The following IL1RAP variants were observed in gnomAD, a reference collection of about 807,000 sequenced individuals.
The protein encoded by IL1RAP is interleukin-1 receptor accessory protein.
In IL1RAP, 35 loss-of-function variants were observed where a neutral mutation model predicts 60.7. That is an observed-to-expected ratio of 0.58 (90% CI 0.44 to 0.76). The LOEUF (loss-of-function observed/expected upper bound fraction) is 0.76, where lower values mean the gene tolerates loss of function less well. Ranked by LOEUF, IL1RAP falls within the 30% of genes least tolerant of loss-of-function variation. The pLI, the probability that IL1RAP is intolerant of heterozygous loss-of-function variation, is 0.00. For synonymous variants in IL1RAP, 268 were observed against 250.9 expected, an observed-to-expected ratio of 1.07 and a Z score of -0.64; for missense variants, 572 against 693.9, an observed-to-expected ratio of 0.82 and a Z score of 1.97.
intron 3 of IL1RAP, among the ~76,000 whole-genome samples, chr3:190,589,304 C>G (rs545592827): frequency 6.6e-6 from 1 of 152,294 alleles, no homozygotes; most frequent in East Asian, 1.9e-4. Flanking sequence ...TTCTTCCTGT[C>G]ACCCCATCAT....
chr3:190,625,440 A>C (rs1015366862), intron 7 of IL1RAP, among the ~76,000 whole-genome samples: 1 of 152,162 alleles, frequency 6.6e-6, no homozygotes, highest in Non-Finnish European at 1.5e-5. Context: ...CGAGGGGGCT[A>C]GGGTGACTGG....
chr3:190,649,412 A>G lies in IL1RAP; in HGVS notation c.*707A>G. 7 of 985,752 alleles carry G rather than the reference A, an allele frequency of 7.1e-6. No homozygotes were observed. Among genetic ancestry groups the G allele is most frequent in the Non-Finnish European group, 8.4e-6 (7 of 829,870 alleles). 61.1% of individuals were successfully genotyped at this position (985,752 alleles called of 1,614,324 possible). A position where few individuals can be genotyped will look rare whatever the true frequency, so the allele number is the denominator to read the frequency against. ...TCAATTCCTGATTATCCACAGGTCA[A>G]CCCACATTTTTTCATTCCTTCTCCC... On this transcript the variant is annotated 3_prime_UTR_variant, in exon 12 of 12. Transcript: ENST00000447382.
At position 190,610,605 on chromosome 3, in the gene IL1RAP, A is replaced by G. The variant is rs1730739400; in HGVS notation, c.537+1424A>G. Among the ~76,000 whole-genome samples, 10 of 152,268 alleles carry G rather than the reference A, an allele frequency of 6.6e-5. 1 individual carries two copies. In the South Asian group the frequency reaches 2.1e-3, roughly 32 times the overall value. ...GTGAGGATTACCAGAGATAAAGATGACCTTTCATAATAATAAAAGGATCAC... is the reference window on the plus strand; with the variant it reads ...GTGAGGATTACCAGAGATAAAGATGGCCTTTCATAATAATAAAAGGATCAC... On this transcript the variant is annotated intron_variant, in intron 5 of 11. Coordinates refer to ENST00000447382, the MANE Select transcript of IL1RAP (RefSeq NM_002182.4).
At chr3:190,520,472 T>G (rs1344625216) in intron 1 of IL1RAP, 1 of 152,186 alleles carries the variant, frequency 6.6e-6, no homozygotes, top group Non-Finnish European at 1.5e-5. Context: ...AAAACCCATT[T>G]CTGTCCTAAT....
chr3:190,630,187 T>A (rs1303702449), intron 9 of IL1RAP: 1 of 771,428 alleles, frequency 1.3e-6, no homozygotes, highest in East Asian at 1.3e-4. Flanking sequence ...AAATTATGAT[T>A]TTAAATGGTA....
chr3:190,642,783 G>A (rs956605793), intron 9 of IL1RAP, among the ~76,000 whole-genome samples: 2 of 152,050 alleles, frequency 1.3e-5, no homozygotes, highest in East Asian at 1.9e-4. Flanking sequence ...GACCCTTTCC[G>A]TCTTATTCAC....
At position 190,634,286 on chromosome 3, in the gene IL1RAP, ATT is replaced by A. The variant is rs1178679157; in HGVS notation, c.1051+4806_1051+4807del. 3.6e-3 allele frequency among the ~76,000 whole-genome samples: 486 copies of A among 135,062 alleles called. 3 individuals are homozygous for A. Among genetic ancestry groups the A allele is most frequent in the African/African-American group, 0.012 (424 of 36,490 alleles). 88.6% of individuals were successfully genotyped at this position (135,062 alleles called of 152,430 possible). A position where few individuals can be genotyped will look rare whatever the true frequency, so the allele number is the denominator to read the frequency against. On this transcript the variant is annotated intron_variant, in intron 9 of 11. Coordinates refer to ENST00000447382, the MANE Select transcript of IL1RAP (RefSeq NM_002182.4). ...TCACAGATTTTTGTTCATGTTAAGA[ATT>A]TTTTTTTTTTTTTTTTTGAGACAGA...
intron 3 of IL1RAP, among the ~76,000 whole-genome samples, chr3:190,584,160 G>A (rs1429802896): frequency 6.6e-6 from 1 of 152,176 alleles, no homozygotes; most frequent in Non-Finnish European, 1.5e-5. Flanking sequence ...CCTTCACTTA[G>A]CATAACACAT....
chr3:190,566,586 A>G (rs1217181910), intron 3 of IL1RAP, among the ~76,000 whole-genome samples: 1 of 152,160 alleles, frequency 6.6e-6, no homozygotes, highest in Non-Finnish European at 1.5e-5. Context: ...CTTGAATAAG[A>G]TAAGTTCTCA....
intron 3 of IL1RAP, among the ~76,000 whole-genome samples, chr3:190,579,796 C>A (rs1043048679): frequency 2.6e-5 from 4 of 152,100 alleles, no homozygotes; most frequent in African/African-American, 9.7e-5. Context: ...TATAGATTTG[C>A]CTATTCCGGA....
rs575316587 is a variant in IL1RAP at position 190,581,583 on chromosome 3, G to A, written c.64+17230G>A. Among the ~76,000 whole-genome samples, 4 of 152,290 alleles carry A rather than the reference G, an allele frequency of 2.6e-5. No homozygotes were observed. The East Asian group carries it at 5.8e-4, about 22-fold the overall frequency. On this transcript the variant is annotated intron_variant, in intron 3 of 11. Transcript: ENST00000447382. ...GTTGAGTTTTGTGTCAATTGTTTAA[G>A]AATTCAAAAGCAGATAGTAGCATAT...
chr3:190,533,985 T>C (rs779227077), intron 1 of IL1RAP, among the ~76,000 whole-genome samples: 6 of 152,110 alleles, frequency 3.9e-5, no homozygotes, highest in Non-Finnish European at 5.9e-5. Flanking sequence ...TCTTTTCTTT[T>C]AATTGGCTTA....
chr3:190,548,255 T>G (rs568765828), intron 1 of IL1RAP, among the ~76,000 whole-genome samples: 1 of 152,314 alleles, frequency 6.6e-6, no homozygotes, highest in Admixed American at 6.5e-5. Context: ...GACTAGATAA[T>G]GCAGCGTGCC....
At chr3:190,545,075 T>C (rs1724254337) in intron 1 of IL1RAP, among the ~76,000 whole-genome samples, 2 of 152,214 alleles carry the variant, frequency 1.3e-5, no homozygotes, top group African/African-American at 4.8e-5. Flanking sequence ...TACCAGGATT[T>C]ACGTGAATAT....
chr3:190,611,504 A>C (rs1730822584), intron 5 of IL1RAP, among the ~76,000 whole-genome samples: 1 of 152,224 alleles, frequency 6.6e-6, no homozygotes, highest in Non-Finnish European at 1.5e-5. Flanking sequence ...AAAGAAACAT[A>C]TAAGACATTT....
Position 190,604,421 on chromosome 3 carries a change from G to A in IL1RAP, c.350+8G>A. 6.2e-7 allele frequency: 1 copy of A among 1,609,740 alleles called. No homozygotes were observed. The highest frequency in any genetic ancestry group is 1.1e-5 in the South Asian group (1 of 90,900). ...CTATACCTGCATGTTAAGGTAGCCT[G>A]ATTCTTGGCAGTGGCTTTCTCTTTT... On this transcript the variant is annotated splice_region_variant and intron_variant, in intron 4 of 11. Transcript: ENST00000447382.
At chr3:190,521,191 A>G (rs950368959) in intron 1 of IL1RAP, among the ~76,000 whole-genome samples, 1 of 152,182 alleles carries the variant, frequency 6.6e-6, no homozygotes, top group African/African-American at 2.4e-5. Context: ...TGGATACTAA[A>G]TTAGAAAAAG....
rs543051804 is a variant in IL1RAP at position 190,526,380 on chromosome 3, C to T, written c.-89+12161C>T. On this transcript the variant is annotated intron_variant, in intron 1 of 11. Transcript: ENST00000447382. ...TTTGATTGTAAAAAGTAAACCTGCA[C>T]ATTTATTCACCTCTATTTGTCCCAC... Among the ~76,000 whole-genome samples, 3 of 152,318 alleles carry T rather than the reference C, an allele frequency of 2.0e-5. No individual in the cohort carries two copies. The East Asian group carries it at 5.8e-4, about 29-fold the overall frequency.
At chr3:190,522,411 G>GTATCTATC (rs1166083415) in intron 1 of IL1RAP, among the ~76,000 whole-genome samples, 1 of 101,320 alleles carries the variant, frequency 9.9e-6, no homozygotes, top group African/African-American at 5.2e-5. Flanking sequence ...ATCTATCTAT[G>GTATCTATC]TATCTATGTA....
Sources: allele counts gnomAD v4.1 joint callset (sites outside exome capture counted in the v4.1 genomes callset), GRCh38; gene constraint gnomAD v4.1.1; transcripts MANE v1.5; gene names NCBI Gene and HGNC (gene_info 2026-07-23, HGNC 2026-07-21).